The following SRFBP1 variants were observed in gnomAD, a reference collection of about 807,000 sequenced individuals.
SRFBP1 encodes the protein serum response factor binding protein 1.
A neutral mutation model predicts 45.5 loss-of-function variants in SRFBP1; 47 were observed. That is an observed-to-expected ratio of 1.03 (90% CI 0.82 to 1.32). The LOEUF (loss-of-function observed/expected upper bound fraction) is 1.32. Among genes scored for constraint, SRFBP1 ranks in the 40% most tolerant of loss-of-function variants. SRFBP1 has a pLI of 0.00. For missense variants in SRFBP1, 621 were observed against 484.6 expected, an observed-to-expected ratio of 1.28 and a Z score of -2.64; for synonymous variants, 203 against 166.3, an observed-to-expected ratio of 1.22 and a Z score of -1.70.
rs772289428 is a variant in SRFBP1 at position 122,027,178 on chromosome 5, T to G, written c.*52T>G. 3 of 1,431,282 alleles carry G rather than the reference T, an allele frequency of 2.1e-6. No homozygotes were observed. Among genetic ancestry groups the G allele is most frequent in the Non-Finnish European group, 2.9e-6 (3 of 1,045,356 alleles). The allele number at this position is 1,431,282 out of a possible 1,614,324, so 88.7% of individuals were successfully genotyped here. On this transcript the variant is annotated 3_prime_UTR_variant, in exon 8 of 8. Transcript: ENST00000339397. ...CATCTAAAAAAAAAAATGTTTTTTT[T>G]AAGACAGGATCTCATTCTGTTGCCC...
rs1753293453 is a variant in SRFBP1, at chr5:122,020,585, G to A, written c.850G>A (p.Asp284Asn). The A allele has an allele frequency of 3.7e-6, 6 of 1,613,886 alleles. No homozygotes were observed. Among genetic ancestry groups the A allele is most frequent in the Non-Finnish European group, 5.1e-6 (6 of 1,179,910 alleles). ...GTCTGAAGATAGTGATAGCGGTGAC[G>A]ACTTCTTCATTGGGAAAGTCAGACG... ...SMSEDSDSGD[D>N]FFIGKVRRTR... Residue 284 changes from aspartate (D) to asparagine (N), a missense_variant, in exon 6 of 8, where the codon GAC becomes AAC. By Grantham distance (23) the Asp-to-Asn change is conservative. Transcript: ENST00000339397.
chr5:122,038,930 ACT>A (rs1266387597), intron 2 of SRFBP1, among the ~76,000 whole-genome samples: 1 of 152,008 alleles, frequency 6.6e-6, no homozygotes, highest in East Asian at 1.9e-4. Flanking sequence ...AGGAGGGTAC[ACT>A]CTCCATCATT....
rs1382393400 is a variant in SRFBP1, at chr5:122,047,273, A to G, written n.311+24866A>G. Among the ~76,000 whole-genome samples the G allele has an allele frequency of 6.6e-5, 10 of 152,310 alleles. No homozygotes were observed. The South Asian group carries it at 2.1e-3, about 32-fold the overall frequency. On this transcript the variant is annotated intron_variant and non_coding_transcript_variant, in intron 2 of 2. Coordinates refer to the SRFBP1 transcript ENST00000504881. ...TTCAGCTTTCTACATATGTCTAGCC[A>G]GTTTTCCCAGCACCATTTATTAAAT...
intron 4 of SRFBP1, 84 bp from the exon 5 acceptor site, chr5:122,019,176 C>G: frequency 8.7e-7 from 1 of 1,153,080 alleles, no homozygotes; most frequent in African/African-American, 1.6e-5. Context: ...ATTTTAAAGA[C>G]TATGATAGAT....
At position 121,972,226 on chromosome 5, in the gene SRFBP1, C is replaced by G. The variant is rs995386381; in HGVS notation, c.37-1970C>G. Among the ~76,000 whole-genome samples the G allele has an allele frequency of 2.0e-5, 3 of 151,814 alleles. No homozygotes were observed. In the East Asian group the frequency reaches 5.8e-4, roughly 29 times the overall value. ...CTAAAAGACAGTTAAAAGATAAACT[C>G]AGATATGTGTAGTGGTATTTCTTAT... On this transcript the variant is annotated intron_variant, in intron 1 of 7. Coordinates refer to ENST00000339397, the MANE Select transcript of SRFBP1 (RefSeq NM_152546.3).
At chr5:122,051,743 C>G (rs1054656089) in intron 2 of SRFBP1, among the ~76,000 whole-genome samples, 1 of 151,978 alleles carries the variant, frequency 6.6e-6, no homozygotes, top group Non-Finnish European at 1.5e-5. Context: ...GGGCATTTAG[C>G]ACATTTACAT....
In SRFBP1 at chr5:122,007,233, G is replaced by A. The variant is rs557796578; in HGVS notation, c.271-12027G>A. 2.4e-4 allele frequency among the ~76,000 whole-genome samples: 37 copies of A among 152,050 alleles called. 1 individual carries two copies. The highest frequency in any genetic ancestry group is 8.2e-4 in the African/African-American group (34 of 41,348). On this transcript the variant is annotated intron_variant, in intron 4 of 7. Transcript: ENST00000339397. ...CCTGAAGACTGGATCAATAAAGGCT[G>A]GGCTGGAGACACAGTCTACACGGGT...
chr5:122,025,289 A>G (rs968238843), intron 7 of SRFBP1, among the ~76,000 whole-genome samples: 1 of 152,058 alleles, frequency 6.6e-6, no homozygotes, highest in African/African-American at 2.4e-5. Context: ...AAGGACATGA[A>G]CTCATCAGTT....
intron 1 of SRFBP1, among the ~76,000 whole-genome samples, chr5:121,970,406 T>C (rs1308276561): frequency 6.6e-6 from 1 of 152,156 alleles, no homozygotes; most frequent in East Asian, 1.9e-4. Flanking sequence ...CCTGCAAAGT[T>C]CAGCAATTAG....
intron 3 of SRFBP1, among the ~76,000 whole-genome samples, chr5:121,984,389 T>C (rs1752474687): frequency 6.6e-6 from 1 of 151,798 alleles, no homozygotes; most frequent in African/African-American, 2.4e-5. Flanking sequence ...AAATCTATTA[T>C]TAACACATCT....
chr5:122,055,629 A>G (rs1392421210), intron 2 of SRFBP1, among the ~76,000 whole-genome samples: 1 of 152,266 alleles, frequency 6.6e-6, no homozygotes, highest in Non-Finnish European at 1.5e-5. Context: ...ATAAAAAAAG[A>G]CATATTTAGT....
chr5:121,991,420 C>T (rs569252416), intron 3 of SRFBP1, among the ~76,000 whole-genome samples: 1 of 151,940 alleles, frequency 6.6e-6, no homozygotes, highest in Non-Finnish European at 1.5e-5. Context: ...AAATAATTTG[C>T]GAGTCCTGAC....
At chr5:122,060,806 T>G (rs891878404) in intron 2 of SRFBP1, among the ~76,000 whole-genome samples, 1 of 152,092 alleles carries the variant, frequency 6.6e-6, no homozygotes, top group Non-Finnish European at 1.5e-5. Flanking sequence ...CCTGGTTCCA[T>G]CTGCTCCTGC....
intron 2 of SRFBP1, among the ~76,000 whole-genome samples, chr5:122,046,673 A>G (rs1227595178): frequency 6.6e-6 from 1 of 152,302 alleles, no homozygotes; most frequent in East Asian, 1.9e-4. Flanking sequence ...ACAGTGTAAA[A>G]GTGTTCCAAT....
intron 7 of SRFBP1, among the ~76,000 whole-genome samples, chr5:122,023,047 G>A (rs1249683430): frequency 6.6e-6 from 1 of 152,200 alleles, no homozygotes; most frequent in Non-Finnish European, 1.5e-5. Flanking sequence ...GGAGTACATG[G>A]AGAATTTTGC....
intron 4 of SRFBP1, among the ~76,000 whole-genome samples, chr5:122,005,906 G>A (rs999218071): frequency 1.3e-5 from 2 of 152,018 alleles, no homozygotes; most frequent in African/African-American, 2.4e-5. Flanking sequence ...TTTGTCTTCT[G>A]ATCTTCATAT....
At chr5:122,048,008 T>G (rs1267964252) in intron 2 of SRFBP1, among the ~76,000 whole-genome samples, 1 of 152,180 alleles carries the variant, frequency 6.6e-6, no homozygotes, top group African/African-American at 2.4e-5. Flanking sequence ...CAATTTGACT[T>G]TCTCTTTTCC....
At chr5:122,026,848 CTT>C in intron 7 of SRFBP1, 92 bp from the exon 8 acceptor site, 1 of 886,156 alleles carries the variant, frequency 1.1e-6, no homozygotes, top group Non-Finnish European at 1.6e-6. Flanking sequence ...AACAAAATTT[CTT>C]TTTTTAACAT....
downstream of SRFBP1, chr5:122,075,590 A>G (rs761177866): frequency 6.2e-6 from 8 of 1,286,816 alleles, no homozygotes; most frequent in East Asian, 2.4e-5. Context: ...AATATTAACT[A>G]AAGACAAAAC....
Sources: allele counts gnomAD v4.1 joint callset (sites outside exome capture counted in the v4.1 genomes callset), GRCh38; gene constraint gnomAD v4.1.1; transcripts MANE v1.5; gene names NCBI Gene and HGNC (gene_info 2026-07-23, HGNC 2026-07-21).